Variants in PITRM1 observed in about 807,000 individuals in gnomAD.
PITRM1 encodes the protein presequence protease, mitochondrial.
Under a neutral mutation model 129.9 loss-of-function variants are expected in PITRM1, and 100 were observed. The observed-to-expected ratio is 0.77, with a 90% confidence interval of 0.65 to 0.91. PITRM1 has a LOEUF of 0.91. Ranked by LOEUF, PITRM1 falls within the 40% of genes least tolerant of loss-of-function variation. PITRM1 has a pLI of 0.00. For missense variants in PITRM1, 1,471 were observed against 1,318.3 expected, an observed-to-expected ratio of 1.12 and a Z score of -1.79; for synonymous variants, 591 against 508.8, an observed-to-expected ratio of 1.16 and a Z score of -2.17.
intron 23 of PITRM1, chr10:3,141,649 G>T (rs1340196191): frequency 2.1e-6 from 1 of 470,308 alleles, no homozygotes; most frequent in African/African-American, 2.0e-5. Flanking sequence ...AGACAATGAT[G>T]GGAGGGTCTG....
In PITRM1 at chr10:3,143,479, T is replaced by C. The variant is rs748885284; in HGVS notation, c.2555A>G (p.Gln852Arg). The C allele has an allele frequency of 6.2e-7, 1 of 1,613,244 alleles. No individual in the cohort carries two copies. Among genetic ancestry groups the C allele is most frequent in the East Asian group, 2.2e-5 (1 of 44,870 alleles). The change falls in exon 23 of 27, where the codon CAG becomes CGG. Residue 852 changes from glutamine to arginine, a missense_variant. Physicochemically the swap from Gln to Arg is conservative, Grantham distance 43 (BLOSUM62 1). Coordinates refer to ENST00000224949, the MANE Select transcript of PITRM1 (RefSeq NM_014889.4). ...LVMEPTFKPW[Q>R]MKTHFLMPFP... ...GGGCATCAGGAAGTGAGTCTTCATC[T>C]GCCAGGGCTTGAAGGTGGGTTCCTG...
At chr10:3,162,442 T>C (rs9423710) in intron 7 of PITRM1, among the ~76,000 whole-genome samples, 5,485 of 152,252 alleles carry the variant, frequency 0.036, 132 homozygotes, top group Admixed American at 0.062. Flanking sequence ...AAACCATTAA[T>C]AGGTTGATGA....
At chr10:3,138,603 C>T (rs919582616) in intron 25 of PITRM1, 9 of 603,844 alleles carry the variant, frequency 1.5e-5, no homozygotes, top group South Asian at 3.9e-5. Context: ...AAAGCGGCTC[C>T]AGAGAGTAAC....
intron 2 of PITRM1, among the ~76,000 whole-genome samples, chr10:3,169,675 T>C (rs1843177657): frequency 6.6e-6 from 1 of 152,170 alleles, no homozygotes; most frequent in African/African-American, 2.4e-5. Context: ...CACAATTGCT[T>C]CTTTATCATT....
intron 16 of PITRM1, 38 bp downstream of exon 16, chr10:3,149,583 C>A (rs191233887): frequency 6.6e-7 from 1 of 1,510,066 alleles, no homozygotes; most frequent in Non-Finnish European, 8.8e-7. Context: ...ACAAAGCAGA[C>A]ATTAATAAGA....
Position 3,143,238 on chromosome 10 carries a change from G to C in PITRM1, c.2645+151C>G, listed in dbSNP as rs1280507102. On this transcript the variant is annotated intron_variant, in intron 23 of 26. Transcript: ENST00000224949. ...TTCACAAAGACTGCTGGTTAAAGAG[G>C]AGCACTCGTAGACTCACACAGCCCC... 1.6e-5 allele frequency: 10 copies of C among 607,784 alleles called. No individual in the cohort carries two copies. In the Admixed American group the frequency reaches 2.0e-4, roughly 12 times the overall value. 37.6% of individuals were successfully genotyped at this position (607,784 alleles called of 1,614,324 possible). A position where few individuals can be genotyped will look rare whatever the true frequency, so the allele number is the denominator to read the frequency against.
chr10:3,143,422 C>T lies in PITRM1; in HGVS notation c.2612G>A (p.Arg871Gln), dbSNP rs774144607. 2.4e-5 allele frequency: 39 copies of T among 1,613,024 alleles called. No individual in the cohort carries two copies. The highest frequency in any genetic ancestry group is 3.0e-5 in the Non-Finnish European group (35 of 1,179,132). Residue 871 changes from arginine to glutamine, a missense_variant, in exon 23 of 27, where the codon CGA (arginine) becomes CAA (glutamine). Arg to Gln is a conservative substitution (Grantham distance 43). Coordinates refer to ENST00000224949, the MANE Select transcript of PITRM1 (RefSeq NM_014889.4). Reference sequence around the variant, plus strand: ...ATCTGGGTCCGTGTAGGGGACAGTTCGGATGCATTCACCCACGTAATTCAC... The same window carrying T: ...ATCTGGGTCCGTGTAGGGGACAGTTTGGATGCATTCACCCACGTAATTCAC... ...FPVNYVGECI[R>Q]TVPYTDPDHA...
At chr10:3,157,129 C>T in intron 12 of PITRM1, 65 bp from the exon 13 acceptor site, 1 of 1,414,604 alleles carries the variant, frequency 7.1e-7, no homozygotes, top group Non-Finnish European at 9.6e-7. Context: ...ACCAACAGCC[C>T]AGACTTGATA....
intron 14 of PITRM1, among the ~76,000 whole-genome samples, chr10:3,153,022 C>G (rs952422622): frequency 9.9e-5 from 15 of 152,246 alleles, no homozygotes; most frequent in African/African-American, 3.6e-4. Context: ...GTTTCCCATT[C>G]CCCTTTTCTG....
intron 26 of PITRM1, 52 bp from the exon 27 acceptor site, chr10:3,138,176 GT>G: frequency 6.4e-7 from 1 of 1,572,676 alleles, no homozygotes; most frequent in Admixed American, 1.7e-5. Context: ...CGTGAGCGCT[GT>G]TAGAGTCAGC....
intron 25 of PITRM1, 48 bp from the exon 26 acceptor site, chr10:3,138,385 C>T (rs1289750603): frequency 3.1e-6 from 4 of 1,296,310 alleles, no homozygotes; most frequent in East Asian, 4.6e-5. Context: ...CGGGAGCTCG[C>T]GTTGTGGGCT....
chr10:3,154,256 TGA>T (rs546341207), intron 14 of PITRM1, among the ~76,000 whole-genome samples: 20 of 152,348 alleles, frequency 1.3e-4, no homozygotes, highest in African/African-American at 4.8e-4. Flanking sequence ...ATGTATATGT[TGA>T]TGGAAATCTG....
intron 14 of PITRM1, 49 bp downstream of exon 14, chr10:3,155,542 G>T: frequency 6.2e-7 from 1 of 1,607,844 alleles, no homozygotes; most frequent in Non-Finnish European, 8.5e-7. Context: ...AAGTCCACTA[G>T]GCCCGAGTGC....
chr10:3,163,650 T>A (rs577527694), intron 7 of PITRM1, 75 bp downstream of exon 7: 3 of 1,207,768 alleles, frequency 2.5e-6, no homozygotes, highest in Middle Eastern at 2.2e-4. Flanking sequence ...AGAGAAGCCA[T>A]GCCATAAACT....
intron 19 of PITRM1, 59 bp downstream of exon 19, chr10:3,147,513 A>G (rs772771388): frequency 6.6e-7 from 1 of 1,515,250 alleles, no homozygotes; most frequent in Non-Finnish European, 9.2e-7. Flanking sequence ...CAAAGAAATT[A>G]GTAACTCTGG....
intron 2 of PITRM1, among the ~76,000 whole-genome samples, chr10:3,168,666 A>C (rs1326909470): frequency 6.6e-6 from 1 of 152,064 alleles, no homozygotes; most frequent in Non-Finnish European, 1.5e-5. Context: ...TTCCCCCTTC[A>C]CTTGATCCTC....
rs1202088032 is a variant in PITRM1 at position 3,165,725 on chromosome 10, G to A, written c.419-198C>T. Among the ~76,000 whole-genome samples, 5 of 152,094 alleles carry A rather than the reference G, an allele frequency of 3.3e-5. 1 individual carries two copies. Among genetic ancestry groups the A allele is most frequent in the South Asian group, 4.1e-4 (2 of 4,824 alleles). On this transcript the variant is annotated intron_variant, in intron 4 of 26. Coordinates refer to ENST00000224949, the MANE Select transcript of PITRM1 (RefSeq NM_014889.4). ...CCCCAAGTGCCGGCTTTCCCATCCCGTCTCAGGATCTGCACTCGACGGGCA... is the reference window on the plus strand; with the variant it reads ...CCCCAAGTGCCGGCTTTCCCATCCCATCTCAGGATCTGCACTCGACGGGCA...
intron 23 of PITRM1, among the ~76,000 whole-genome samples, chr10:3,142,689 AC>A (rs1448182502): frequency 3.9e-5 from 6 of 152,094 alleles, no homozygotes; most frequent in African/African-American, 1.4e-4. Context: ...AACAGGCCTG[AC>A]CCTGACTCTT....
intron 7 of PITRM1, among the ~76,000 whole-genome samples, chr10:3,161,650 G>C (rs1461590760): frequency 6.6e-6 from 1 of 151,584 alleles, no homozygotes; most frequent in East Asian, 1.9e-4. Context: ...GGAGCAGGGA[G>C]GGCCCGGCTG....
Sources: gnomAD v4.1 joint callset for allele counts (sites outside exome capture counted in the v4.1 genomes callset) on GRCh38, gnomAD v4.1.1 for gene constraint, MANE v1.5 for transcripts, NCBI Gene and HGNC (gene_info 2026-07-23, HGNC 2026-07-21) for gene names.